The following ABCC1 variants were observed in gnomAD, a reference collection of about 807,000 sequenced individuals.
ABCC1 encodes the protein multidrug resistance-associated protein 1.
ABCC1 carries 83 observed loss-of-function variants against 172.9 expected under a neutral mutation model. That is an observed-to-expected ratio of 0.48 (90% CI 0.40 to 0.58). ABCC1 has a LOEUF of 0.58. ABCC1 is among the 20% of genes least tolerant of loss of function. ABCC1 has a pLI of 0.00. For synonymous variants in ABCC1, 937 were observed against 825.2 expected, an observed-to-expected ratio of 1.14 and a Z score of -2.32; for missense variants, 1,817 against 2,002.7, an observed-to-expected ratio of 0.91 and a Z score of 1.77.
intron 19 of ABCC1, chr16:16,098,804 T>A (rs1172337216): frequency 7.7e-7 from 1 of 1,306,732 alleles, no homozygotes; most frequent in African/African-American, 1.5e-5. Context: ...CTCCTTTATT[T>A]AGATAGGGGC....
chr16:15,954,124 C>T (rs1170979910), intron 1 of ABCC1, among the ~76,000 whole-genome samples: 1 of 151,384 alleles, frequency 6.6e-6, no homozygotes, highest in Non-Finnish European at 1.5e-5. Context: ...TCCCCTGCCT[C>T]AGGCTCCCGA....
chr16:16,099,242 G>GAAATCAA lies in ABCC1; in HGVS notation c.2645-3385_2645-3384insAAATCAA, dbSNP rs1199376148. Among the ~76,000 whole-genome samples the GAAATCAA allele has an allele frequency of 1.4e-4, 21 of 152,354 alleles. No individual in the cohort carries two copies. The East Asian group carries it at 4.1e-3, about 29-fold the overall frequency. ...GCACACAGTGGATGGACAATAAATGGCAACAGTTTGATTGTGAGCTGCCAC... is the reference window on the plus strand; with the variant it reads ...GCACACAGTGGATGGACAATAAATGGAAATCAACAACAGTTTGATTGTGAGCTGCCAC... On this transcript the variant is annotated intron_variant, in intron 19 of 30. Transcript: ENST00000399410.
chr16:15,990,804 C>T (rs1448617806), intron 1 of ABCC1, among the ~76,000 whole-genome samples: 2 of 149,050 alleles, frequency 1.3e-5, no homozygotes, highest in Admixed American at 1.4e-4. Context: ...TGCCTGCCGC[C>T]ACGCCCGGCT....
chr16:15,973,396 G>T (rs1326657941), intron 1 of ABCC1, among the ~76,000 whole-genome samples: 4 of 152,062 alleles, frequency 2.6e-5, no homozygotes, highest in Non-Finnish European at 5.9e-5. Context: ...GTGGGTAGAG[G>T]CCAGGGGGTG....
intron 1 of ABCC1, among the ~76,000 whole-genome samples, chr16:15,955,239 C>T (rs993708334): frequency 6.6e-6 from 1 of 152,062 alleles, no homozygotes; most frequent in African/African-American, 2.4e-5. Context: ...GCCTGTAATC[C>T]CAGCTACTTG....
At chr16:16,114,645 A>ATTC in intron 22 of ABCC1, 121 bp from the exon 23 acceptor site, 1 of 873,946 alleles carries the variant, frequency 1.1e-6, no homozygotes, top group Non-Finnish European at 1.6e-6. Flanking sequence ...CTGGTTCATC[A>ATTC]TTATTATTAT....
rs553797308 is a variant in ABCC1 at position 16,093,968 on chromosome 16, C to T, written c.2644+3380C>T. Reference sequence around the variant, plus strand: ...GAAATATATCTTTTTTACTGTTTGTCTCCCTCTCTCCTTTTTTTTTTTTTT... The same window carrying T: ...GAAATATATCTTTTTTACTGTTTGTTTCCCTCTCTCCTTTTTTTTTTTTTT... On this transcript the variant is annotated intron_variant, in intron 19 of 30. Coordinates refer to ENST00000399410, the MANE Select transcript of ABCC1 (RefSeq NM_004996.4). 4.6e-5 allele frequency among the ~76,000 whole-genome samples: 6 copies of T among 129,144 alleles called. No homozygotes were observed. In the South Asian group the frequency reaches 1.6e-3, roughly 34 times the overall value. 84.7% of individuals were successfully genotyped at this position (129,144 alleles called of 152,430 possible). A position where few individuals can be genotyped will look rare whatever the true frequency, so the allele number is the denominator to read the frequency against.
intron 23 of ABCC1, among the ~76,000 whole-genome samples, chr16:16,120,033 C>T (rs1013886606): frequency 2.0e-5 from 3 of 152,118 alleles, no homozygotes; most frequent in Non-Finnish European, 4.4e-5. Context: ...CCTGGGTTCA[C>T]TTACATAGCT....
intron 30 of ABCC1, among the ~76,000 whole-genome samples, 159 bp downstream of exon 30, chr16:16,138,717 T>TC (rs1181169237): frequency 6.9e-6 from 1 of 145,916 alleles, no homozygotes; most frequent in East Asian, 1.9e-4. Flanking sequence ...GCTATTTCTT[T>TC]TTTTTTTTTT....
Position 16,044,480 on chromosome 16 carries a change from G to C in ABCC1, c.840G>C (p.Lys280Asn), listed in dbSNP as rs765180604. The C allele has an allele frequency of 6.2e-7, 1 of 1,614,170 alleles. No homozygotes were observed. The highest frequency in any genetic ancestry group is 2.2e-5 in the East Asian group (1 of 44,878). Residue 280 changes from lysine to asparagine, a missense_variant, in exon 8 of 31, where the codon AAG becomes AAC. Physicochemically the swap from Lys to Asn is moderately conservative, Grantham distance 94. Transcript: ENST00000399410. ...CGGTGAAGGTTGTGTACTCCTCCAAGGATCCTGCCCAGCCGAAAGAGAGTT... is the reference window on the plus strand; with the variant it reads ...CGGTGAAGGTTGTGTACTCCTCCAACGATCCTGCCCAGCCGAAAGAGAGTT... ...KQPVKVVYSS[K>N]DPAQPKESSK...
In ABCC1 at chr16:15,975,559, G is replaced by T. The variant is rs28722680; in HGVS notation, c.48+25760G>T. On this transcript the variant is annotated intron_variant, in intron 1 of 30. Transcript: ENST00000399410. ...TGTGGTGGTTTTTTTTGTTTTTTTTGTTTTTTTTTGTTTTGAGACTGAGTT... is the reference window on the plus strand; with the variant it reads ...TGTGGTGGTTTTTTTTGTTTTTTTTTTTTTTTTTTGTTTTGAGACTGAGTT... 5.2e-3 allele frequency among the ~76,000 whole-genome samples: 775 copies of T among 149,698 alleles called. 5 individuals are homozygous for T. Among genetic ancestry groups the T allele is most frequent in the African/African-American group, 0.016 (648 of 40,572 alleles).
intron 1 of ABCC1, among the ~76,000 whole-genome samples, chr16:15,957,102 C>T (rs571204697): frequency 6.6e-6 from 1 of 152,056 alleles, no homozygotes; most frequent in East Asian, 1.9e-4. Flanking sequence ...TTTTTTGAGA[C>T]AGGGTCTTGC....
Position 16,104,892 on chromosome 16 carries a change from G to C in ABCC1, c.2736-1846G>C, listed in dbSNP as rs567076754. ...CCAGGTGCTAAGCCCCTCACTACCCGGGCTGGCGGGGCTGCCCGGCAGCTC... is the reference window on the plus strand; with the variant it reads ...CCAGGTGCTAAGCCCCTCACTACCCCGGCTGGCGGGGCTGCCCGGCAGCTC... On this transcript the variant is annotated intron_variant, in intron 20 of 30. Coordinates refer to ENST00000399410, the MANE Select transcript of ABCC1 (RefSeq NM_004996.4). Among the ~76,000 whole-genome samples, 9 of 152,254 alleles carry C rather than the reference G, an allele frequency of 5.9e-5. No individual in the cohort carries two copies. The East Asian group carries it at 9.7e-4, about 16-fold the overall frequency.
intron 22 of ABCC1, among the ~76,000 whole-genome samples, chr16:16,113,487 T>G (rs997156599): frequency 2.0e-5 from 3 of 152,200 alleles, no homozygotes; most frequent in African/African-American, 7.2e-5. Flanking sequence ...AAACCCTGTT[T>G]CTACAAAAAA....
At chr16:16,106,174 G>A (rs2052089955) in intron 20 of ABCC1, among the ~76,000 whole-genome samples, 1 of 152,156 alleles carries the variant, frequency 6.6e-6, no homozygotes, top group African/African-American at 2.4e-5. Flanking sequence ...ACTGCACCTG[G>A]CCAAATAATG....
intron 14 of ABCC1, 46 bp downstream of exon 14, chr16:16,071,775 A>G (rs1369980052): frequency 2.6e-6 from 4 of 1,520,766 alleles, no homozygotes; most frequent in East Asian, 2.3e-5. Context: ...CCGCCTTCCC[A>G]TCTCCCACTG....
intron 1 of ABCC1, among the ~76,000 whole-genome samples, chr16:15,987,741 T>A (rs908657295): frequency 6.6e-6 from 1 of 152,244 alleles, no homozygotes; most frequent in African/African-American, 2.4e-5. Context: ...CGGTGGCCTG[T>A]GCGTCCCGCA....
At chr16:16,096,728 G>A (rs2152039868) in intron 19 of ABCC1, among the ~76,000 whole-genome samples, 1 of 152,270 alleles carries the variant, frequency 6.6e-6, no homozygotes, top group South Asian at 2.1e-4. Context: ...ACCTTCTTGA[G>A]TAAAGGCAGT....
rs529866566 is a variant in ABCC1 at position 15,997,160 on chromosome 16, C to T, written c.49-10656C>T. 6.7e-5 allele frequency among the ~76,000 whole-genome samples: 10 copies of T among 149,340 alleles called. No individual in the cohort carries two copies. In the South Asian group the frequency reaches 1.1e-3, roughly 16 times the overall value. ...AGGCTGGAGTGCAGTGGTGCAATCT[C>T]GGCTCACTGCAACCTCTGCCTCCTG... On this transcript the variant is annotated intron_variant, in intron 1 of 30. Coordinates refer to ENST00000399410, the MANE Select transcript of ABCC1 (RefSeq NM_004996.4).
Sources: gnomAD v4.1 joint callset for allele counts (sites outside exome capture counted in the v4.1 genomes callset) on GRCh38, gnomAD v4.1.1 for gene constraint, MANE v1.5 for transcripts, NCBI Gene and HGNC (gene_info 2026-07-23, HGNC 2026-07-21) for gene names.